Variants in LEF1 observed in about 807,000 individuals in gnomAD.
LEF1 encodes the protein lymphoid enhancer-binding factor 1.
Under a neutral mutation model 51.2 loss-of-function variants are expected in LEF1, and 14 were observed. The ratio of observed to expected loss-of-function variants is 0.27; its 90% CI spans 0.18 to 0.43. The LOEUF (loss-of-function observed/expected upper bound fraction) is 0.43, where lower values mean the gene tolerates loss of function less well. Among genes scored for constraint, LEF1 ranks in the 20% least tolerant of loss-of-function variants. LEF1 has a pLI of 1.00. For missense variants in LEF1, 386 were observed against 512.0 expected, an observed-to-expected ratio of 0.75 and a Z score of 2.37; for synonymous variants, 185 against 183.2, an observed-to-expected ratio of 1.01 and a Z score of -0.08.
intron 3 of LEF1, among the ~76,000 whole-genome samples, chr4:108,123,432 GTTTTTTT>G (rs34015287): frequency 9.7e-5 from 7 of 72,370 alleles, no homozygotes; most frequent in Admixed American, 1.7e-4. Flanking sequence ...GCTAGGGTTG[GTTTTTTT>G]TTTTTTTTTT....
intron 9 of LEF1, among the ~76,000 whole-genome samples, chr4:108,069,502 C>T (rs1280152884): frequency 6.6e-6 from 1 of 152,142 alleles, no homozygotes; most frequent in Non-Finnish European, 1.5e-5. Flanking sequence ...TATACCTACA[C>T]TGAATAGAAT....
chr4:108,048,584 C>T lies in LEF1; in HGVS notation c.*174G>A. The T allele has an allele frequency of 1.4e-6, 1 of 693,744 alleles. No individual in the cohort carries two copies. Among genetic ancestry groups the T allele is most frequent in the Non-Finnish European group, 2.3e-6 (1 of 441,572 alleles). 43.0% of individuals were successfully genotyped at this position (693,744 alleles called of 1,614,324 possible). A position where few individuals can be genotyped will look rare whatever the true frequency, so the allele number is the denominator to read the frequency against. Reference sequence around the variant, plus strand: ...GTTGGCAGTGATTGTCTTTATGGATCAGCGTCTCTAGCAGTGACCTCAGGG... The same window carrying T: ...GTTGGCAGTGATTGTCTTTATGGATTAGCGTCTCTAGCAGTGACCTCAGGG... On this transcript the variant is annotated 3_prime_UTR_variant, in exon 12 of 12. Transcript: ENST00000265165.
intron 3 of LEF1, among the ~76,000 whole-genome samples, chr4:108,119,766 A>C (rs939919276): frequency 3.9e-5 from 6 of 152,194 alleles, no homozygotes; most frequent in Non-Finnish European, 8.8e-5. Context: ...TGGTTCTCCA[A>C]CTTTTGGTTT....
At chr4:108,128,143 CAG>C (rs1742661967) in intron 3 of LEF1, among the ~76,000 whole-genome samples, 1 of 152,072 alleles carries the variant, frequency 6.6e-6, no homozygotes, top group Non-Finnish European at 1.5e-5. Flanking sequence ...GAGAGAATGG[CAG>C]AGTCTCAAAA....
chr4:108,129,684 T>C (rs1742746725), intron 3 of LEF1, among the ~76,000 whole-genome samples: 1 of 152,212 alleles, frequency 6.6e-6, no homozygotes, highest in Admixed American at 6.5e-5. Flanking sequence ...GCTCATTCTC[T>C]GTAAGTCTTT....
chr4:108,054,201 A>T (rs1392220712), intron 11 of LEF1, among the ~76,000 whole-genome samples: 1 of 152,146 alleles, frequency 6.6e-6, no homozygotes, highest in African/African-American at 2.4e-5. Context: ...ATGCACTCTG[A>T]ACGTACCAAA....
chr4:108,161,239 T>G (rs1745036601), intron 3 of LEF1, among the ~76,000 whole-genome samples: 1 of 152,106 alleles, frequency 6.6e-6, no homozygotes, highest in African/African-American at 2.4e-5. Flanking sequence ...AGATTGTAAC[T>G]CACTTCGGTT....
chr4:108,123,111 C>T (rs1321490669), intron 3 of LEF1, among the ~76,000 whole-genome samples: 1 of 152,118 alleles, frequency 6.6e-6, no homozygotes, highest in African/African-American at 2.4e-5. Context: ...TTACTTGAGG[C>T]CTATATAGTA....
intron 4 of LEF1, among the ~76,000 whole-genome samples, chr4:108,085,344 A>T (rs1300631918): frequency 1.3e-5 from 2 of 152,190 alleles, no homozygotes; most frequent in African/African-American, 4.8e-5. Context: ...TCGTCCTCCC[A>T]AAGTGCTGGG....
chr4:108,054,569 G>T (rs746355086), intron 11 of LEF1, among the ~76,000 whole-genome samples: 12 of 152,196 alleles, frequency 7.9e-5, no homozygotes, highest in Non-Finnish European at 1.5e-4. Context: ...GTGGCAGGTG[G>T]TCCATACAGG....
At chr4:108,099,692 G>A (rs2110291891) in intron 3 of LEF1, among the ~76,000 whole-genome samples, 1 of 147,462 alleles carries the variant, frequency 6.8e-6, no homozygotes, top group Middle Eastern at 3.5e-3. Context: ...GTGCCCTGGT[G>A]GTTTGCCGCA....
chr4:108,086,604 T>G (rs1739661757), intron 4 of LEF1, among the ~76,000 whole-genome samples: 1 of 152,188 alleles, frequency 6.6e-6, no homozygotes. Flanking sequence ...AAAATAAGAA[T>G]AGGACTGTTG....
At chr4:108,050,387 C>T (rs1736901845) in intron 11 of LEF1, among the ~76,000 whole-genome samples, 2 of 152,096 alleles carry the variant, frequency 1.3e-5, no homozygotes, top group African/African-American at 2.4e-5. Context: ...GTTAGCCCTG[C>T]TTGAGAATGG....
intron 3 of LEF1, among the ~76,000 whole-genome samples, chr4:108,162,239 G>A (rs1416690857): frequency 2.0e-5 from 3 of 152,096 alleles, no homozygotes; most frequent in African/African-American, 7.2e-5. Context: ...AGAACCCCAA[G>A]ATCTCCACTT....
intron 9 of LEF1, among the ~76,000 whole-genome samples, chr4:108,069,906 C>T (rs1309173440): frequency 6.7e-6 from 1 of 149,574 alleles, no homozygotes; most frequent in African/African-American, 2.5e-5. Context: ...TGCAGTGAGC[C>T]AAGATCATGC....
At chr4:108,138,935 C>G (rs565710228) in intron 3 of LEF1, among the ~76,000 whole-genome samples, 1 of 152,294 alleles carries the variant, frequency 6.6e-6, no homozygotes, top group East Asian at 1.9e-4. Context: ...TCTAAGTAGC[C>G]TGGAAGGATA....
intron 3 of LEF1, among the ~76,000 whole-genome samples, chr4:108,140,711 A>C (rs918893237): frequency 6.6e-6 from 1 of 152,260 alleles, no homozygotes; most frequent in African/African-American, 2.4e-5. Flanking sequence ...AGGTGACAAG[A>C]AGCAAGTTAA....
intron 3 of LEF1, among the ~76,000 whole-genome samples, chr4:108,110,974 G>A (rs993390303): frequency 6.6e-6 from 1 of 152,130 alleles, no homozygotes; most frequent in Non-Finnish European, 1.5e-5. Flanking sequence ...TTGGATGAAA[G>A]ATAGGTAAAC....
intron 3 of LEF1, among the ~76,000 whole-genome samples, chr4:108,109,873 C>A (rs1009523001): frequency 3.3e-5 from 5 of 152,140 alleles, no homozygotes; most frequent in African/African-American, 1.2e-4. Flanking sequence ...GCAGGCACAG[C>A]AGGTCTACAA....
Sources: gnomAD v4.1 joint callset for allele counts (sites outside exome capture counted in the v4.1 genomes callset) on GRCh38, gnomAD v4.1.1 for gene constraint, MANE v1.5 for transcripts, NCBI Gene and HGNC (gene_info 2026-07-23, HGNC 2026-07-21) for gene names.